PTPRG: variants seen among roughly 807,000 people sequenced by gnomAD.
The protein encoded by PTPRG is protein tyrosine phosphatase receptor type G, also known as receptor-type tyrosine-protein phosphatase gamma.
In PTPRG, 102 loss-of-function variants were observed where a neutral mutation model predicts 165.3. That is an observed-to-expected ratio of 0.62 (90% CI 0.53 to 0.73). The LOEUF (loss-of-function observed/expected upper bound fraction) is 0.73. Ranked by LOEUF, PTPRG falls within the 30% of genes least tolerant of loss-of-function variation. PTPRG has a pLI of 0.00. For synonymous variants in PTPRG, 675 were observed against 669.5 expected (o/e 1.01, Z -0.13); for missense variants, 1,866 against 1,861.4 (o/e 1.00, Z -0.05).
chr3:61,636,296 G>T (rs1040545421), intron 1 of PTPRG, among the ~76,000 whole-genome samples: 1 of 152,000 alleles, frequency 6.6e-6, no homozygotes, highest in African/African-American at 2.4e-5. Context: ...TATTATACCC[G>T]AAAGAAACCT....
chr3:61,778,832 C>A (rs1410491031), intron 2 of PTPRG, among the ~76,000 whole-genome samples: 2 of 152,016 alleles, frequency 1.3e-5, no homozygotes, highest in Admixed American at 6.6e-5. Context: ...GAGGGACCAA[C>A]AAGTATCAGG....
intron 4 of PTPRG, among the ~76,000 whole-genome samples, chr3:62,013,615 A>G (rs1213865603): frequency 1.3e-5 from 2 of 152,200 alleles, no homozygotes; most frequent in Non-Finnish European, 2.9e-5. Context: ...TGATGGGTAT[A>G]TTAATATGTT....
intron 5 of PTPRG, among the ~76,000 whole-genome samples, chr3:62,102,052 G>A (rs576400299): frequency 6.6e-5 from 10 of 151,770 alleles, no homozygotes; most frequent in African/African-American, 2.2e-4. Context: ...GTATTTGCTC[G>A]TATCTTCCCC....
At chr3:62,068,888 G>A (rs1240427134) in intron 4 of PTPRG, among the ~76,000 whole-genome samples, 1 of 152,202 alleles carries the variant, frequency 6.6e-6, no homozygotes, top group African/African-American at 2.4e-5. Context: ...TTAAGGATTA[G>A]TGTACTCTGT....
chr3:61,738,748 C>T (rs1219682050), intron 1 of PTPRG, among the ~76,000 whole-genome samples: 2 of 151,372 alleles, frequency 1.3e-5, no homozygotes, highest in African/African-American at 4.9e-5. Flanking sequence ...TTCCTTAACT[C>T]AAGTTGTAAC....
At chr3:61,949,670 T>A (rs1360549021) in intron 2 of PTPRG, among the ~76,000 whole-genome samples, 1 of 151,906 alleles carries the variant, frequency 6.6e-6, no homozygotes, top group Non-Finnish European at 1.5e-5. Context: ...CCTAAGACAT[T>A]TTTTCCCCTT....
At chr3:61,934,648 T>G (rs1187363858) in intron 2 of PTPRG, among the ~76,000 whole-genome samples, 1 of 152,108 alleles carries the variant, frequency 6.6e-6, no homozygotes, top group Non-Finnish European at 1.5e-5. Flanking sequence ...AGGTACAAAG[T>G]ATAGAGTATG....
chr3:61,855,633 T>C (rs576290055), intron 2 of PTPRG, among the ~76,000 whole-genome samples: 1 of 148,102 alleles, frequency 6.8e-6, no homozygotes, highest in South Asian at 2.1e-4. Context: ...GGGTATAAAA[T>C]AATATGAAAG....
At chr3:61,836,243 T>C (rs2036457675) in intron 2 of PTPRG, among the ~76,000 whole-genome samples, 1 of 152,158 alleles carries the variant, frequency 6.6e-6, no homozygotes, top group Non-Finnish European at 1.5e-5. Flanking sequence ...TTTAGGCCTT[T>C]GTTATAGAAC....
chr3:61,740,869 A>G (rs1454814177), intron 1 of PTPRG, among the ~76,000 whole-genome samples: 2 of 152,190 alleles, frequency 1.3e-5, no homozygotes, highest in Non-Finnish European at 2.9e-5. Context: ...GTGTAATATA[A>G]TCTATTGTAT....
intron 2 of PTPRG, among the ~76,000 whole-genome samples, chr3:61,913,214 C>T (rs942807341): frequency 6.6e-6 from 1 of 152,080 alleles, no homozygotes; most frequent in African/African-American, 2.4e-5. Context: ...GAGGGGACAA[C>T]GTTTTCTTTT....
At chr3:61,804,498 A>G (rs906669848) in intron 2 of PTPRG, among the ~76,000 whole-genome samples, 3 of 152,170 alleles carry the variant, frequency 2.0e-5, no homozygotes, top group Non-Finnish European at 4.4e-5. Flanking sequence ...CCAATGGTAC[A>G]TTGTGGTAGA....
intron 2 of PTPRG, among the ~76,000 whole-genome samples, chr3:61,914,384 C>A (rs1018602825): frequency 1.3e-5 from 2 of 152,160 alleles, no homozygotes; most frequent in Non-Finnish European, 2.9e-5. Context: ...GCTCCCTGCT[C>A]ATTTCTAGAG....
rs1021575322 is a variant in PTPRG at position 61,990,916 on chromosome 3, T to A, written c.370+1112T>A. 6.6e-5 allele frequency among the ~76,000 whole-genome samples: 10 copies of A among 151,602 alleles called. No homozygotes were observed. In the East Asian group the frequency reaches 7.8e-4, roughly 12 times the overall value. ...AAAGTTGCCTTTTTTTTTTTTTTTT[T>A]AAATAACCTAACTGGCTAAATGGGC... is the stretch of plus-strand genomic sequence containing the variant. On this transcript the variant is annotated intron_variant, in intron 3 of 29. Coordinates refer to ENST00000474889, the MANE Select transcript of PTPRG (RefSeq NM_002841.4).
At chr3:61,855,792 G>A (rs1183156340) in intron 2 of PTPRG, among the ~76,000 whole-genome samples, 1 of 151,750 alleles carries the variant, frequency 6.6e-6, no homozygotes, top group Non-Finnish European at 1.5e-5. Context: ...TGAGGTGTAA[G>A]CCTGAGGTAG....
chr3:61,964,666 C>T (rs1367152310), intron 2 of PTPRG, among the ~76,000 whole-genome samples: 1 of 152,132 alleles, frequency 6.6e-6, no homozygotes, highest in Admixed American at 6.5e-5. Context: ...GTCTTTATTG[C>T]CTTCACCACT....
At chr3:62,074,361 T>A (rs947726882) in intron 4 of PTPRG, among the ~76,000 whole-genome samples, 1 of 77,596 alleles carries the variant, frequency 1.3e-5, no homozygotes, top group Admixed American at 1.4e-4. Flanking sequence ...TCTTTTTTTT[T>A]TTTTTTTTTT....
chr3:62,192,393 C>CTTTTTTTTTTTTTTTTTTTTTTTTTTTT lies in PTPRG; in HGVS notation c.1218+746_1218+773dup. On this transcript the variant is annotated intron_variant, in intron 9 of 29. Transcript: ENST00000474889. ...ATAAAGCAAACTCCACAACTACTGT[C>CTTTTTTTTTTTTTTTTTTTTTTTTTTTT]TTTTTTTTTTTTTTTTTTTTTTTTT... Among the ~76,000 whole-genome samples the CTTTTTTTTTTTTTTTTTTTTTTTTTTTT allele has an allele frequency of 3.8e-5, 2 of 52,594 alleles. 1 individual carries two copies. Among genetic ancestry groups the CTTTTTTTTTTTTTTTTTTTTTTTTTTTT allele is most frequent in the Non-Finnish European group, 7.3e-5 (2 of 27,416 alleles). 34.5% of individuals were successfully genotyped at this position (52,594 alleles called of 152,430 possible).
At chr3:61,924,954 G>C (rs2039170655) in intron 2 of PTPRG, among the ~76,000 whole-genome samples, 1 of 152,212 alleles carries the variant, frequency 6.6e-6, no homozygotes, top group Admixed American at 6.5e-5. Context: ...TGTCTAAAGA[G>C]TCAGAAGAGA....
Sources: allele counts gnomAD v4.1 joint callset (sites outside exome capture counted in the v4.1 genomes callset), GRCh38; gene constraint gnomAD v4.1.1; transcripts MANE v1.5; gene names NCBI Gene and HGNC (gene_info 2026-07-23, HGNC 2026-07-21).